DLGAP2: variants seen among roughly 807,000 people sequenced by gnomAD.
DLGAP2 encodes the protein DLG associated protein 2, also known as disks large-associated protein 2.
DLGAP2 carries 26 observed loss-of-function variants against 100.3 expected under a neutral mutation model. That is an observed-to-expected ratio of 0.26 (90% CI 0.19 to 0.36). The LOEUF is 0.36. Ranked by LOEUF, DLGAP2 falls within the 10% of genes least tolerant of loss-of-function variation. The pLI, the probability that DLGAP2 is intolerant of heterozygous loss-of-function variation, is 1.00. For missense variants in DLGAP2, 1,858 were observed against 1,453.2 expected, an observed-to-expected ratio of 1.28 and a Z score of -4.53; for synonymous variants, 886 against 630.1, an observed-to-expected ratio of 1.41 and a Z score of -6.08.
chr8:1,491,398 C>CGGAGGCTTCAGGCTGCTCCCCCGATCCT lies in DLGAP2; in HGVS notation c.107-9959_107-9958insAGGCTGCTCCCCCGATCCTGGAGGCTTC, dbSNP rs1205912288. Among the ~76,000 whole-genome samples the CGGAGGCTTCAGGCTGCTCCCCCGATCCT allele has an allele frequency of 2.1e-5, 3 of 146,162 alleles. No individual in the cohort carries two copies. In the Admixed American group the frequency reaches 2.1e-4, roughly 10 times the overall value. On this transcript the variant is annotated intron_variant, in intron 3 of 14. Transcript: ENST00000637795. ...GGCTTCGGGCTGCTCCCCCTGACCT[C>CGGAGGCTTCAGGCTGCTCCCCCGATCCT]GGAGGCTTCCGGCTGCTCCCCCTGA... is the stretch of plus-strand genomic sequence containing the variant.
intron 2 of DLGAP2, among the ~76,000 whole-genome samples, chr8:975,124 C>A (rs1165061839): frequency 1.3e-5 from 2 of 152,050 alleles, no homozygotes; most frequent in Non-Finnish European, 2.9e-5. Flanking sequence ...ACTCTGTGTC[C>A]AAGAATTTGA....
intron 1 of DLGAP2, among the ~76,000 whole-genome samples, chr8:807,249 T>C (rs1247173163): frequency 2.0e-5 from 3 of 151,648 alleles, no homozygotes; most frequent in African/African-American, 7.3e-5. Context: ...CTCTTTTTCT[T>C]CTCATTCATA....
chr8:1,125,908 G>T (rs1796152534), intron 2 of DLGAP2, among the ~76,000 whole-genome samples: 1 of 152,194 alleles, frequency 6.6e-6, no homozygotes. Flanking sequence ...AGTTGAAGAA[G>T]GACCCAGCGA....
At chr8:912,028 TGGC>T (rs1798495286) in intron 2 of DLGAP2, among the ~76,000 whole-genome samples, 1 of 152,324 alleles carries the variant, frequency 6.6e-6, no homozygotes, top group East Asian at 1.9e-4. Context: ...GCTGCACAAT[TGGC>T]GGGGTTCTGA....
chr8:1,577,861 C>T (rs1453594245), intron 6 of DLGAP2, among the ~76,000 whole-genome samples: 1 of 152,194 alleles, frequency 6.6e-6, no homozygotes, highest in Admixed American at 6.5e-5. Flanking sequence ...TGCCCCTGGC[C>T]CCGCAAGTCC....
chr8:1,583,058 T>C (rs6558484), intron 6 of DLGAP2, among the ~76,000 whole-genome samples: 87,297 of 152,018 alleles, frequency 0.57, 25,990 homozygotes, highest in African/African-American at 0.75. Context: ...GTGAATCTTA[T>C]GAAACAATGG....
At chr8:1,333,284 C>T (rs1201272386) in intron 3 of DLGAP2, among the ~76,000 whole-genome samples, 1 of 152,130 alleles carries the variant, frequency 6.6e-6, no homozygotes, top group Non-Finnish European at 1.5e-5. Flanking sequence ...GAGCATGGCA[C>T]CTCGAGTCTC....
At chr8:1,126,140 G>C (rs1256266603) in intron 2 of DLGAP2, among the ~76,000 whole-genome samples, 1 of 152,224 alleles carries the variant, frequency 6.6e-6, no homozygotes, top group Non-Finnish European at 1.5e-5. Context: ...TGAGGCAGTG[G>C]TGCCGTGGAT....
chr8:1,420,963 G>A (rs1797072853), intron 3 of DLGAP2, among the ~76,000 whole-genome samples: 1 of 152,164 alleles, frequency 6.6e-6, no homozygotes, highest in Non-Finnish European at 1.5e-5. Context: ...TGTACTGAAT[G>A]TTGCTTCCCA....
At position 1,472,238 on chromosome 8, in the gene DLGAP2, G is replaced by A. The variant is rs549346866; in HGVS notation, c.107-29128G>A. Among the ~76,000 whole-genome samples, 6 of 152,158 alleles carry A rather than the reference G, an allele frequency of 3.9e-5. No individual in the cohort carries two copies. The South Asian group carries it at 1.2e-3, about 32-fold the overall frequency. On this transcript the variant is annotated intron_variant, in intron 3 of 14. Transcript: ENST00000637795. ...CCTGCCGCCATGTTGGGAGGGGAGGGGGGTTGAGCCATGCGGTAGAGCGGC... is the reference window on the plus strand; with the variant it reads ...CCTGCCGCCATGTTGGGAGGGGAGGAGGGTTGAGCCATGCGGTAGAGCGGC...
intron 2 of DLGAP2, among the ~76,000 whole-genome samples, chr8:1,026,191 G>C (rs1243713388): frequency 6.6e-6 from 1 of 152,160 alleles, no homozygotes; most frequent in Non-Finnish European, 1.5e-5. Flanking sequence ...CCTCATCCAG[G>C]ACGTGCCTCA....
chr8:798,152 G>T (rs1015049875), intron 1 of DLGAP2, among the ~76,000 whole-genome samples: 32 of 152,272 alleles, frequency 2.1e-4, no homozygotes, highest in Non-Finnish European at 2.4e-4. Flanking sequence ...AAAGGGGCTG[G>T]TTCTCTGTCC....
intron 1 of DLGAP2, among the ~76,000 whole-genome samples, chr8:818,851 A>C (rs1796533962): frequency 6.6e-6 from 1 of 152,206 alleles, no homozygotes; most frequent in Non-Finnish European, 1.5e-5. Context: ...AATCAAGATA[A>C]ATGATTTGTT....
chr8:1,541,737 G>T (rs1286633947), intron 4 of DLGAP2, among the ~76,000 whole-genome samples: 2 of 152,198 alleles, frequency 1.3e-5, no homozygotes, highest in African/African-American at 4.8e-5. Flanking sequence ...TATCTGGATG[G>T]TGGATTAAGT....
At chr8:1,392,765 G>T (rs1019103926) in intron 3 of DLGAP2, among the ~76,000 whole-genome samples, 1 of 151,454 alleles carries the variant, frequency 6.6e-6, no homozygotes, top group African/African-American at 2.4e-5. Context: ...GATGCTCATG[G>T]GCTGTGTTCT....
At chr8:1,155,640 GGT>G (rs1365426533) in intron 2 of DLGAP2, among the ~76,000 whole-genome samples, 5 of 151,182 alleles carry the variant, frequency 3.3e-5, no homozygotes, top group African/African-American at 1.2e-4. Context: ...CGATGGGCGC[GGT>G]CTTTCCGGAC....
intron 6 of DLGAP2, among the ~76,000 whole-genome samples, chr8:1,580,958 A>G (rs988419203): frequency 1.3e-5 from 2 of 150,978 alleles, no homozygotes; most frequent in African/African-American, 4.9e-5. Flanking sequence ...CCCTGCACAC[A>G]TCTACACACA....
At chr8:867,800 T>C (rs573288160) in intron 1 of DLGAP2, among the ~76,000 whole-genome samples, 2 of 152,334 alleles carry the variant, frequency 1.3e-5, no homozygotes, top group East Asian at 1.9e-4. Flanking sequence ...TGATTCTGTT[T>C]TGAATAAACC....
At chr8:1,250,393 C>T (rs1041909800) in intron 2 of DLGAP2, 2 of 152,228 alleles carry the variant, frequency 1.3e-5, no homozygotes, top group African/African-American at 4.8e-5. Flanking sequence ...ATGAGACATC[C>T]TGTGTTGATC....
Sources: allele counts gnomAD v4.1 joint callset (sites outside exome capture counted in the v4.1 genomes callset), GRCh38; gene constraint gnomAD v4.1.1; transcripts MANE v1.5; gene names NCBI Gene and HGNC (gene_info 2026-07-23, HGNC 2026-07-21).